FCGR2A: variants seen among roughly 807,000 people sequenced by gnomAD.
FCGR2A encodes the protein low affinity immunoglobulin gamma Fc region receptor II-a.
Under a neutral mutation model 29.3 loss-of-function variants are expected in FCGR2A, and 18 were observed. The observed-to-expected ratio is 0.62, with a 90% CI of 0.43 to 0.91. FCGR2A has a LOEUF of 0.91. FCGR2A is among the 40% of genes least tolerant of loss of function. The pLI is 0.00. For missense variants in FCGR2A, 287 were observed against 393.0 expected, an observed-to-expected ratio of 0.73 and a Z score of 2.28; for synonymous variants, 126 against 144.8, an observed-to-expected ratio of 0.87 and a Z score of 0.93.
rs192856574 is a variant in FCGR2A, at chr1:161,511,495, T to C, written c.742+539T>C. 7.0e-4 allele frequency among the ~76,000 whole-genome samples: 106 copies of C among 152,310 alleles called. No individual in the cohort carries two copies. The Middle Eastern group carries it at 0.014, about 20-fold the overall frequency. On this transcript the variant is annotated intron_variant, in intron 5 of 6. Coordinates refer to ENST00000271450, the MANE Select transcript of FCGR2A (RefSeq NM_001136219.3). ...AGACTGTGAGACACAGGGGTGTTTTTAAAAGGCAGAGCAAGCCTCAGACAG... is the reference window on the plus strand; with the variant it reads ...AGACTGTGAGACACAGGGGTGTTTTCAAAAGGCAGAGCAAGCCTCAGACAG...
At chr1:161,516,297 C>T (rs1302742280) in intron 6 of FCGR2A, among the ~76,000 whole-genome samples, 8 of 151,996 alleles carry the variant, frequency 5.3e-5, no homozygotes, top group African/African-American at 1.9e-4. Flanking sequence ...TTTCTCTCTA[C>T]CTGATTGTTT....
At chr1:161,507,661 A>G (rs1324469964) in intron 3 of FCGR2A, among the ~76,000 whole-genome samples, 1 of 151,692 alleles carries the variant, frequency 6.6e-6, no homozygotes, top group Non-Finnish European at 1.5e-5. Context: ...TGCTTTACTG[A>G]AGGGGAATAA....
downstream of FCGR2A, among the ~76,000 whole-genome samples, chr1:161,522,124 C>T (rs7529235): frequency 0.47 from 70,598 of 149,612 alleles, 16,390 homozygotes; most frequent in African/African-American, 0.6. Context: ...CTGATTGAGG[C>T]CACGAGTTCA....
intron 4 of FCGR2A, 50 bp from the exon 5 acceptor site, chr1:161,510,784 G>C (rs1675720256): frequency 1.9e-6 from 3 of 1,608,716 alleles, no homozygotes; most frequent in Admixed American, 3.4e-5. Context: ...TACAAACGTT[G>C]TCATTAAAAT....
chr1:161,511,120 T>TA (rs570920214), intron 5 of FCGR2A, among the ~76,000 whole-genome samples, 164 bp downstream of exon 5: 1 of 152,336 alleles, frequency 6.6e-6, no homozygotes, highest in African/African-American at 2.4e-5. Context: ...ACAAGAGCAC[T>TA]AATAGGAGTC....
At chr1:161,523,860 A>T (rs1036549874), downstream of FCGR2A, 1 of 152,050 alleles carries the variant, frequency 6.6e-6, no homozygotes, top group South Asian at 2.1e-4. Flanking sequence ...ATTGGCCGGG[A>T]ATCGAACCCG....
chr1:161,511,453 CAGAG>C (rs949540871), intron 5 of FCGR2A, among the ~76,000 whole-genome samples: 2 of 151,360 alleles, frequency 1.3e-5, no homozygotes, highest in Admixed American at 6.6e-5. Context: ...TACAGAGAAA[CAGAG>C]AGAGAGAGAG....
At chr1:161,510,765 C>T in intron 4 of FCGR2A, 69 bp from the exon 5 acceptor site, 1 of 1,585,216 alleles carries the variant, frequency 6.3e-7, no homozygotes, top group Non-Finnish European at 8.6e-7. Flanking sequence ...GGAGGTGGGA[C>T]AGGGAGAATA....
At chr1:161,520,370 T>C (rs1239187986), downstream of FCGR2A, among the ~76,000 whole-genome samples, 1 of 151,938 alleles carries the variant, frequency 6.6e-6, no homozygotes, top group Non-Finnish European at 1.5e-5. Context: ...CAGACACTTA[T>C]AAAACCCTAA....
chr1:161,513,896 C>T lies in FCGR2A; in HGVS notation c.744C>T (p.Ala248=), dbSNP rs150021274. Reference sequence around the variant, plus strand: ...TAATCTTTTTCTTTTTCCCCACAGCCAATTCCACTGATCCTGTGAAGGCTG... The same window carrying T: ...TAATCTTTTTCTTTTTCCCCACAGCTAATTCCACTGATCCTGTGAAGGCTG... The part of the protein sequence containing the change: ...LIYCRKKRIS[A]NSTDPVKAAQ... Residue 248 remains alanine, a splice_region_variant and synonymous_variant, in exon 6 of 7, where the codon GCC becomes GCT. Transcript: ENST00000271450. The T allele has an allele frequency of 1.9e-5, 31 of 1,614,136 alleles. No individual in the cohort carries two copies. The highest frequency in any genetic ancestry group is 2.6e-5 in the Non-Finnish European group (31 of 1,180,054).
chr1:161,506,080 G>T, intron 2 of FCGR2A, 73 bp downstream of exon 2: 1 of 1,495,398 alleles, frequency 6.7e-7, no homozygotes, highest in African/African-American at 1.4e-5. Flanking sequence ...TTGCTGGGGC[G>T]GCGGGGGGGT....
chr1:161,509,773 T>C (rs1397731215), intron 3 of FCGR2A, 47 bp from the exon 4 acceptor site: 6 of 1,610,062 alleles, frequency 3.7e-6, no homozygotes, highest in Non-Finnish European at 5.1e-6. Flanking sequence ...GAAAAACCCT[T>C]GGAATCTATC....
Position 161,510,213 on chromosome 1 carries a change from G to A in FCGR2A, c.619+139G>A, listed in dbSNP as rs1395261812. 6 of 1,464,566 alleles carry A rather than the reference G, an allele frequency of 4.1e-6. No homozygotes were observed. In the East Asian group the frequency reaches 1.4e-4, roughly 35 times the overall value. 90.7% of individuals were successfully genotyped at this position (1,464,566 alleles called of 1,614,324 possible). On this transcript the variant is annotated intron_variant, in intron 4 of 6. Transcript: ENST00000271450. The stretch of plus-strand genomic sequence containing the variant: ...TGGAGCAAAGAGGAGTGGGGTGGAA[G>A]CCTGGCTAAGTATTGACCAACAAGT...
At position 161,518,247 on chromosome 1, in the gene FCGR2A, A is replaced by G; in HGVS notation, c.*99A>G. On this transcript the variant is annotated 3_prime_UTR_variant, in exon 7 of 7. Coordinates refer to ENST00000271450, the MANE Select transcript of FCGR2A (RefSeq NM_001136219.3). Reference sequence around the variant, plus strand: ...GAAAATTTAAATGGAGACTGGAAAAATCCTGAGCAAACAAAACCACCTGGC... The same window carrying G: ...GAAAATTTAAATGGAGACTGGAAAAGTCCTGAGCAAACAAAACCACCTGGC... The G allele has an allele frequency of 2.0e-6, 3 of 1,520,292 alleles. No individual in the cohort carries two copies. The highest frequency in any genetic ancestry group is 2.6e-5 in the South Asian group (2 of 76,462). 94.2% of individuals were successfully genotyped at this position (1,520,292 alleles called of 1,614,324 possible). A position where few individuals can be genotyped will look rare whatever the true frequency, so the allele number is the denominator to read the frequency against.
rs573668650 is a variant in FCGR2A, at chr1:161,506,012, G to A, written c.106+5G>A. Reference sequence around the variant, plus strand: ...CTTCTGCAGACAGTCAAGCTGGTGAGTATGCCCTTTGCTTCCTTGTATTGA... The same window carrying A: ...CTTCTGCAGACAGTCAAGCTGGTGAATATGCCCTTTGCTTCCTTGTATTGA... On this transcript the variant is annotated splice_donor_5th_base_variant and intron_variant, in intron 2 of 6. Coordinates refer to ENST00000271450, the MANE Select transcript of FCGR2A (RefSeq NM_001136219.3). The A allele has an allele frequency of 6.2e-7, 1 of 1,613,740 alleles. No homozygotes were observed. The highest frequency in any genetic ancestry group is 1.1e-5 in the South Asian group (1 of 91,074).
intron 1 of FCGR2A, 62 bp from the exon 2 acceptor site, chr1:161,505,925 G>A (rs571323548): frequency 1.1e-5 from 17 of 1,558,376 alleles, no homozygotes; most frequent in South Asian, 7.8e-5. Context: ...TTTCACATAC[G>A]CAGCTAAATT....
intron 6 of FCGR2A, among the ~76,000 whole-genome samples, chr1:161,514,325 A>G (rs1676008778): frequency 6.7e-6 from 1 of 149,616 alleles, no homozygotes; most frequent in South Asian, 2.1e-4. Flanking sequence ...TTTTTCTTCC[A>G]CATTTTCCAA....
chr1:161,510,870 T>C lies in FCGR2A; in HGVS notation c.656T>C (p.Ile219Thr), dbSNP rs761636880. The change falls in exon 5 of 7, where the codon ATT (isoleucine) becomes ACT (threonine). Residue 219 changes from isoleucine (I) to threonine (T), a missense_variant. Transcript: ENST00000271450. ...SMGSSSPMGIIVAVVIATAVA... is the reference protein window; with the variant it reads ...SMGSSSPMGITVAVVIATAVA... ...GGCAGCTCTTCACCAATGGGGATCA[T>C]TGTGGCTGTGGTCATTGCGACTGCT... 21 of 1,614,072 alleles carry C rather than the reference T, an allele frequency of 1.3e-5. No individual in the cohort carries two copies. Among genetic ancestry groups the C allele is most frequent in the Admixed American group, 5.0e-5 (3 of 60,012 alleles).
downstream of FCGR2A, among the ~76,000 whole-genome samples, chr1:161,520,362 G>C (rs1424080218): frequency 6.6e-6 from 1 of 152,018 alleles, no homozygotes; most frequent in Non-Finnish European, 1.5e-5. Context: ...GAAGGTGCCA[G>C]ACACTTATAA....
Sources: gnomAD v4.1 joint callset for allele counts (sites outside exome capture counted in the v4.1 genomes callset) on GRCh38, gnomAD v4.1.1 for gene constraint, MANE v1.5 for transcripts, NCBI Gene and HGNC (gene_info 2026-07-23, HGNC 2026-07-21) for gene names.